The following RBP2 variants were observed in gnomAD, a reference collection of about 807,000 sequenced individuals.
RBP2 encodes the protein retinol-binding protein 2.
Under a neutral mutation model 17.0 loss-of-function variants are expected in RBP2, and 17 were observed. The observed-to-expected ratio is 1.00, with a 90% CI of 0.68 to 1.50. RBP2 has a LOEUF of 1.50. Among genes scored for constraint, RBP2 ranks in the 40% most tolerant of loss-of-function variants. The pLI is 0.00. For missense variants in RBP2, 158 were observed against 168.2 expected (o/e 0.94, Z 0.33); for synonymous variants, 48 against 57.1 (o/e 0.84, Z 0.72).
intron 2 of RBP2, among the ~76,000 whole-genome samples, chr3:139,458,294 T>G (rs1289181401): frequency 6.6e-6 from 1 of 152,126 alleles, no homozygotes; most frequent in East Asian, 1.9e-4. Flanking sequence ...TAAGAGTTCT[T>G]TGGTTCGCCT....
chr3:139,475,802 G>C (rs552186085), intron 1 of RBP2, among the ~76,000 whole-genome samples: 2 of 152,192 alleles, frequency 1.3e-5, no homozygotes, highest in Non-Finnish European at 2.9e-5. Context: ...CCACTCTGTG[G>C]TGAACTCAGG....
intron 1 of RBP2, chr3:139,466,315 A>G (rs1933362197): frequency 1.3e-5 from 2 of 152,198 alleles, no homozygotes; most frequent in South Asian, 2.1e-4. Context: ...TGACACATGT[A>G]TCTCAGCCAC....
At position 139,462,244 on chromosome 3, in the gene RBP2, C is replaced by T. The variant is rs781509176; in HGVS notation, c.120G>A (p.Thr40=). The change falls in exon 2 of 4, where the codon ACG becomes ACA. Residue 40 remains threonine, a synonymous_variant. Transcript: ENST00000232217. The part of the protein sequence containing the change: ...TRKIAVRLTQ[T]KVIDQDGDNF... ...TATCACCATCTTGATCAATAACCTT[C>T]GTCTGAGTGAGACGTACTGCAATCT... 1.2e-5 allele frequency: 19 copies of T among 1,614,014 alleles called. No homozygotes were observed. The highest frequency in any genetic ancestry group is 2.2e-5 in the South Asian group (2 of 91,082).
At chr3:139,462,513 A>G (rs1933223228) in intron 1 of RBP2, among the ~76,000 whole-genome samples, 1 of 146,242 alleles carries the variant, frequency 6.8e-6, no homozygotes, top group Non-Finnish European at 1.5e-5. Context: ...CCCTGATGGG[A>G]GGGAGATGTA....
intron 3 of RBP2, 126 bp downstream of exon 3, chr3:139,454,603 C>T (rs1388500708): frequency 6.3e-6 from 5 of 797,614 alleles, no homozygotes; most frequent in Admixed American, 4.0e-5. Flanking sequence ...TATATGACCA[C>T]ATGCATTTGG....
At chr3:139,457,470 A>T (rs948890289) in intron 2 of RBP2, among the ~76,000 whole-genome samples, 1 of 152,238 alleles carries the variant, frequency 6.6e-6, no homozygotes, top group African/African-American at 2.4e-5. Context: ...ATGTTAGTGC[A>T]TGGGCCTGTC....
rs568843130 is a variant in RBP2, at chr3:139,471,152, A to G, written c.73+5235T>C. Among the ~76,000 whole-genome samples the G allele has an allele frequency of 2.7e-4, 41 of 152,140 alleles. 1 individual carries two copies. Among genetic ancestry groups the G allele is most frequent in the Admixed American group, 1.4e-3 (21 of 15,292 alleles). On this transcript the variant is annotated intron_variant, in intron 1 of 3. Coordinates refer to ENST00000232217, the MANE Select transcript of RBP2 (RefSeq NM_004164.3). ...GGAACTCGTCTCCTCATTTCCCACT[A>G]TATCTCCAATGCCTAGAGCACTTCC... is the stretch of plus-strand genomic sequence containing the variant.
At chr3:139,455,043 T>C (rs1245661535) in intron 2 of RBP2, among the ~76,000 whole-genome samples, 2 of 152,252 alleles carry the variant, frequency 1.3e-5, no homozygotes, top group African/African-American at 4.8e-5. Context: ...TGCTCTGTTT[T>C]CTTTCAAGGA....
At chr3:139,469,483 A>G (rs1365768499) in intron 1 of RBP2, among the ~76,000 whole-genome samples, 1 of 152,120 alleles carries the variant, frequency 6.6e-6, no homozygotes, top group Admixed American at 6.5e-5. Context: ...GTACAAAGGG[A>G]TGACACCTAT....
rs779293229 is a variant in RBP2, at chr3:139,454,727, A to G, written c.354+2T>C. ...GTGAGCTGAGCAGAACCCAGTACTT[A>G]CCAGGTACAGCTTGTCCCCCTCAAT... On this transcript the variant is annotated splice_donor_variant, in intron 3 of 3. Transcript: ENST00000232217. LOFTEE classifies it high-confidence loss of function. The G allele has an allele frequency of 7.4e-6, 12 of 1,613,822 alleles. No individual in the cohort carries two copies. The East Asian group carries it at 2.7e-4, about 36-fold the overall frequency.
chr3:139,462,558 AACACACACAC>A (rs59601422), intron 1 of RBP2, among the ~76,000 whole-genome samples: 16 of 121,344 alleles, frequency 1.3e-4, no homozygotes, highest in South Asian at 5.7e-4. Context: ...GCAGCTCCCC[AACACACACAC>A]ACACACACAC....
chr3:139,471,870 T>C (rs1933581152), intron 1 of RBP2, among the ~76,000 whole-genome samples: 1 of 152,212 alleles, frequency 6.6e-6, no homozygotes, highest in Admixed American at 6.5e-5. Flanking sequence ...ATTCACTCTA[T>C]CTCTGTTAGA....
chr3:139,468,674 G>GCA (rs3836323), intron 1 of RBP2, among the ~76,000 whole-genome samples: 11,019 of 150,670 alleles, frequency 0.073, 476 homozygotes, highest in Middle Eastern at 0.15. Context: ...ACACACACAT[G>GCA]CACACACACA....
intron 1 of RBP2, among the ~76,000 whole-genome samples, chr3:139,469,606 C>A (rs567876919): frequency 6.6e-6 from 1 of 152,266 alleles, no homozygotes; most frequent in African/African-American, 2.4e-5. Flanking sequence ...GACTTGTGAG[C>A]ACCATCAGGA....
chr3:139,456,381 A>G (rs1932958831), intron 2 of RBP2, among the ~76,000 whole-genome samples: 1 of 152,168 alleles, frequency 6.6e-6, no homozygotes, highest in African/African-American at 2.4e-5. Context: ...TATATACTTT[A>G]TGTACAATTT....
At chr3:139,468,439 G>A (rs73868222) in intron 1 of RBP2, among the ~76,000 whole-genome samples, 3,147 of 152,220 alleles carry the variant, frequency 0.021, 88 homozygotes, top group African/African-American at 0.068. Flanking sequence ...GACCAGTGCC[G>A]GGGGAATCTT....
chr3:139,460,720 C>A (rs1452700038), intron 2 of RBP2, among the ~76,000 whole-genome samples: 1 of 152,062 alleles, frequency 6.6e-6, no homozygotes, highest in Non-Finnish European at 1.5e-5. Flanking sequence ...GAGGGTGTTG[C>A]TTGCTTTGTT....
chr3:139,469,925 T>C (rs1014736800), intron 1 of RBP2, among the ~76,000 whole-genome samples: 1 of 152,168 alleles, frequency 6.6e-6, no homozygotes, highest in Admixed American at 6.5e-5. Context: ...TAGAAGCAGA[T>C]AGCCTGGGCT....
chr3:139,459,848 G>GTT (rs1035040955), intron 2 of RBP2, among the ~76,000 whole-genome samples: 1 of 151,942 alleles, frequency 6.6e-6, no homozygotes, highest in African/African-American at 2.4e-5. Flanking sequence ...GTGTGTGTGT[G>GTT]TGTGTGTGCA....
Sources: gnomAD v4.1 joint callset for allele counts (sites outside exome capture counted in the v4.1 genomes callset) on GRCh38, gnomAD v4.1.1 for gene constraint, MANE v1.5 for transcripts, NCBI Gene and HGNC (gene_info 2026-07-23, HGNC 2026-07-21) for gene names.